Variants in RIMS1 observed in about 807,000 individuals in gnomAD.
RIMS1 encodes the protein regulating synaptic membrane exocytosis protein 1.
In RIMS1, 83 loss-of-function variants were observed where a neutral mutation model predicts 214.1. That is an observed-to-expected ratio of 0.39 (90% confidence interval 0.32 to 0.47). The LOEUF is 0.47. Ranked by LOEUF, RIMS1 falls within the 20% of genes least tolerant of loss-of-function variation. The pLI is 0.99. For missense variants in RIMS1, 2,050 were observed against 2,161.8 expected (o/e 0.95, Z 1.03); for synonymous variants, 793 against 786.8 (o/e 1.01, Z -0.13).
intron 4 of RIMS1, among the ~76,000 whole-genome samples, chr6:72,121,821 T>C (rs1199573649): frequency 1.3e-5 from 2 of 151,956 alleles, no homozygotes; most frequent in South Asian, 2.1e-4. Flanking sequence ...TTTTGAGATA[T>C]GTCCTATCAA....
chr6:72,277,581 C>CA (rs34868285), intron 23 of RIMS1, among the ~76,000 whole-genome samples: 88,408 of 137,854 alleles, frequency 0.64, 27,420 homozygotes, highest in East Asian at 0.96. Context: ...GACTCTGTCT[C>CA]AAAAAAAAAA....
At chr6:71,916,589 T>C (rs1329651757) in intron 1 of RIMS1, among the ~76,000 whole-genome samples, 1 of 152,162 alleles carries the variant, frequency 6.6e-6, no homozygotes, top group Non-Finnish European at 1.5e-5. Context: ...AAATTATTAT[T>C]GCTCTGGATT....
chr6:71,930,337 T>C (rs1168764932), intron 1 of RIMS1, among the ~76,000 whole-genome samples: 2 of 152,022 alleles, frequency 1.3e-5, no homozygotes, highest in Non-Finnish European at 2.9e-5. Context: ...ATTTTTAAAA[T>C]TGACATAACA....
At chr6:72,374,205 G>A (rs185400549) in intron 29 of RIMS1, among the ~76,000 whole-genome samples, 19 of 152,246 alleles carry the variant, frequency 1.2e-4, no homozygotes, top group African/African-American at 3.9e-4. Flanking sequence ...GAGCCACTGC[G>A]CCTGGCCCTA....
chr6:71,918,416 CTG>C (rs1347233172), intron 1 of RIMS1, among the ~76,000 whole-genome samples: 1 of 152,170 alleles, frequency 6.6e-6, no homozygotes, highest in Non-Finnish European at 1.5e-5. Flanking sequence ...GAATTAGACA[CTG>C]TGGAGGTCAC....
At chr6:72,075,340 T>C (rs1466247523) in intron 2 of RIMS1, among the ~76,000 whole-genome samples, 4 of 152,128 alleles carry the variant, frequency 2.6e-5, no homozygotes, top group Non-Finnish European at 5.9e-5. Flanking sequence ...ACTCCTGGGC[T>C]CAAACGATCC....
intron 29 of RIMS1, among the ~76,000 whole-genome samples, chr6:72,345,819 A>G (rs980643524): frequency 1.1e-4 from 16 of 151,838 alleles, no homozygotes; most frequent in South Asian, 2.1e-4. Flanking sequence ...GAAGAGGAAT[A>G]TTAGAGATAA....
rs986517772 is a variant in RIMS1, at chr6:72,000,097, G to A, written c.245+31034G>A. Among the ~76,000 whole-genome samples the A allele has an allele frequency of 8.6e-5, 13 of 151,366 alleles. No homozygotes were observed. The East Asian group carries it at 2.5e-3, about 29-fold the overall frequency. On this transcript the variant is annotated intron_variant, in intron 2 of 33. Coordinates refer to ENST00000521978, the MANE Select transcript of RIMS1 (RefSeq NM_014989.7). ...AGTTTCTGAGAATGGATCAAATGAG[G>A]GAAAAAAAACAGTGTAAACTTACAA...
chr6:72,061,533 A>G (rs533863853), intron 2 of RIMS1, among the ~76,000 whole-genome samples: 181 of 152,316 alleles, frequency 1.2e-3, no homozygotes, highest in African/African-American at 4.1e-3. Flanking sequence ...GCTGTGCATT[A>G]CGCGCTTTCT....
chr6:71,968,410 T>TACACACAC (rs60480318), intron 1 of RIMS1, among the ~76,000 whole-genome samples: 8 of 151,560 alleles, frequency 5.3e-5, no homozygotes, highest in African/African-American at 1.7e-4. Context: ...TTTCTTCTTT[T>TACACACAC]ACACACACAC....
rs79837009 is a variant in RIMS1 at position 72,348,744 on chromosome 6, C to G, written c.4366+14909C>G. Among the ~76,000 whole-genome samples the G allele has an allele frequency of 5.1e-3, 772 of 151,838 alleles. 5 individuals are homozygous for G. The highest frequency in any genetic ancestry group is 0.017 in the African/African-American group (711 of 41,468). On this transcript the variant is annotated intron_variant, in intron 29 of 33. Transcript: ENST00000521978. ...CTCACTCCCTTTACTGCCCTCTCCC[C>G]TTTGTGGAACCTCCAGAATTGGTGC...
At chr6:72,213,239 G>A (rs1209940756) in intron 6 of RIMS1, 5 of 1,526,998 alleles carry the variant, frequency 3.3e-6, no homozygotes, top group Non-Finnish European at 4.4e-6. Flanking sequence ...AATAGATAAT[G>A]GTAATCCCAC....
intron 6 of RIMS1, chr6:72,216,466 G>T: frequency 1.0e-6 from 1 of 985,426 alleles, no homozygotes; most frequent in South Asian, 4.7e-5. Context: ...AAGCACTTTT[G>T]CCTGTGTTCC....
chr6:72,297,348 G>A (rs1166720986), intron 26 of RIMS1, among the ~76,000 whole-genome samples: 1 of 151,736 alleles, frequency 6.6e-6, no homozygotes, highest in South Asian at 2.1e-4. Context: ...ATTTTAGTGG[G>A]CTAAAAGTAT....
intron 2 of RIMS1, among the ~76,000 whole-genome samples, chr6:72,062,993 C>T (rs1828303614): frequency 1.3e-5 from 2 of 152,104 alleles, no homozygotes; most frequent in Non-Finnish European, 1.5e-5. Flanking sequence ...TCCAAATAGT[C>T]ACATTCAGAG....
intron 2 of RIMS1, among the ~76,000 whole-genome samples, chr6:72,092,291 C>CCCTTCTTTCCTT (rs1836480160): frequency 1.9e-5 from 2 of 107,938 alleles, no homozygotes. Flanking sequence ...CTCCCTCCCT[C>CCCTTCTTTCCTT]CCTTCCTTCC....
intron 2 of RIMS1, among the ~76,000 whole-genome samples, chr6:71,984,795 ATC>A (rs1292764999): frequency 6.6e-6 from 1 of 151,778 alleles, no homozygotes; most frequent in African/African-American, 2.4e-5. Flanking sequence ...CTATCTATCT[ATC>A]TATCTATCTA....
At chr6:72,106,773 T>C (rs1013091748) in intron 4 of RIMS1, among the ~76,000 whole-genome samples, 1 of 152,324 alleles carries the variant, frequency 6.6e-6, no homozygotes, top group Non-Finnish European at 1.5e-5. Context: ...ATATATCTTC[T>C]GAAATCTATG....
In RIMS1 at chr6:72,182,518, G is replaced by T; in HGVS notation, c.1047G>T (p.Glu349Asp). 6.3e-7 allele frequency: 1 copy of T among 1,584,578 alleles called. No individual in the cohort carries two copies. The highest frequency in any genetic ancestry group is 1.1e-5 in the South Asian group (1 of 87,518). The change falls in exon 6 of 34, where the codon GAG becomes GAT. Residue 349 changes from glutamate (E) to aspartate (D), a missense_variant. Coordinates refer to ENST00000521978, the MANE Select transcript of RIMS1 (RefSeq NM_014989.7). ...ATGAGGAAAAGCAAAGAAAAGAGGAGGATTATCAGACCAGGTACCGCAGCG... is the reference window on the plus strand; with the variant it reads ...ATGAGGAAAAGCAAAGAAAAGAGGATGATTATCAGACCAGGTACCGCAGCG... ...AADEEKQRKEEDYQTRYRSDP... is the reference protein window; with the variant it reads ...AADEEKQRKEDDYQTRYRSDP...
Sources: allele counts gnomAD v4.1 joint callset (sites outside exome capture counted in the v4.1 genomes callset), GRCh38; gene constraint gnomAD v4.1.1; transcripts MANE v1.5; gene names NCBI Gene and HGNC (gene_info 2026-07-23, HGNC 2026-07-21).